The following KIF15 variants were observed in gnomAD, a reference collection of about 807,000 sequenced individuals.
KIF15 encodes the protein kinesin-like protein KIF15.
In KIF15, 140 loss-of-function variants were observed where a neutral mutation model predicts 190.6. That is an observed-to-expected ratio of 0.73 (90% CI 0.64 to 0.84). The LOEUF is 0.84. KIF15 is among the 40% of genes least tolerant of loss of function. KIF15 has a pLI of 0.00. For synonymous variants in KIF15, 528 were observed against 551.3 expected, an observed-to-expected ratio of 0.96 and a Z score of 0.59; for missense variants, 1,372 against 1,584.4, an observed-to-expected ratio of 0.87 and a Z score of 2.28.
At chr3:44,837,671 G>C (rs1425121467) in intron 26 of KIF15, among the ~76,000 whole-genome samples, 1 of 151,886 alleles carries the variant, frequency 6.6e-6, no homozygotes, top group African/African-American at 2.4e-5. Context: ...CATTTGGAAA[G>C]GAAAAGAAGG....
At chr3:44,856,439 T>C (rs1427225650), downstream of KIF15, among the ~76,000 whole-genome samples, 1 of 152,220 alleles carries the variant, frequency 6.6e-6, no homozygotes, top group Non-Finnish European at 1.5e-5. Flanking sequence ...GGTTAGCGGC[T>C]TGTAACCTAC....
chr3:44,786,531 G>T lies in KIF15; in HGVS notation c.596G>T (p.Gly199Val), dbSNP rs1443977252. The part of the protein sequence containing the change: ...EHIKKGVFVV[G>V]AVEQVVTSAA... Reference sequence around the variant, plus strand: ...ATCAAGAAGGGAGTCTTTGTTGTTGGTGCGGTGGAGCAGGTGGTAACCTCA... The same window carrying T: ...ATCAAGAAGGGAGTCTTTGTTGTTGTTGCGGTGGAGCAGGTGGTAACCTCA... The change falls in exon 7 of 35, where the codon GGT becomes GTT. Residue 199 changes from glycine to valine, a missense_variant. By Grantham distance (109) the Gly-to-Val change is moderately radical (BLOSUM62 -3). Coordinates refer to ENST00000326047, the MANE Select transcript of KIF15 (RefSeq NM_020242.3). The T allele has an allele frequency of 6.2e-7, 1 of 1,613,004 alleles. No homozygotes were observed. Among genetic ancestry groups the T allele is most frequent in the Non-Finnish European group, 8.5e-7 (1 of 1,179,302 alleles).
At chr3:44,840,281 A>T in intron 27 of KIF15, 74 bp from the exon 28 acceptor site, 1 of 804,024 alleles carries the variant, frequency 1.2e-6, no homozygotes, top group Non-Finnish European at 2.0e-6. Context: ...GGTGATGGGA[A>T]GTTTGTCTTT....
At chr3:44,828,452 G>T (rs1683521515) in intron 24 of KIF15, 152 bp downstream of exon 24, 1 of 568,650 alleles carries the variant, frequency 1.8e-6, no homozygotes, top group Non-Finnish European at 3.1e-6. Context: ...ATCCTCCAAG[G>T]TTCCTAGAGA....
At chr3:44,818,682 A>G (rs1708133477) in intron 20 of KIF15, among the ~76,000 whole-genome samples, 2 of 152,350 alleles carry the variant, frequency 1.3e-5, no homozygotes, top group East Asian at 3.9e-4. Context: ...GATGTTCATC[A>G]GAAATATTGA....
chr3:44,844,248 G>A (rs2125720325), intron 30 of KIF15, among the ~76,000 whole-genome samples: 1 of 152,338 alleles, frequency 6.6e-6, no homozygotes, highest in Admixed American at 6.5e-5. Context: ...GAGATTTGAG[G>A]ATGGTAATGG....
At chr3:44,817,350 CTTCTAGGGTTTTT>C (rs1280956230) in intron 20 of KIF15, among the ~76,000 whole-genome samples, 2 of 152,270 alleles carry the variant, frequency 1.3e-5, no homozygotes, top group African/African-American at 4.8e-5. Flanking sequence ...CCTAGGTTTT[CTTCTAGGGTTTTT>C]ATGGTTTTAG....
Position 44,829,982 on chromosome 3 carries a change from T to A in KIF15, c.2955T>A (p.Ala985=). 1.3e-6 allele frequency: 2 copies of A among 1,582,078 alleles called. No individual in the cohort carries two copies. The highest frequency in any genetic ancestry group is 2.3e-5 in the South Asian group (2 of 86,506). The change falls in exon 25 of 35, where the codon GCT becomes GCA. Residue 985 remains alanine (A), a synonymous_variant. Coordinates refer to ENST00000326047, the MANE Select transcript of KIF15 (RefSeq NM_020242.3). ...TCTGTCCTCATCAGAAAGTTGTAGC[T>A]GACCTCATGAACCAGATCCAGGAGC... ...KSRDSDKKVV[A]DLMNQIQELR...
intron 24 of KIF15, among the ~76,000 whole-genome samples, chr3:44,829,510 CAT>C (rs1156762819): frequency 5.4e-5 from 2 of 37,138 alleles, no homozygotes; most frequent in African/African-American, 1.2e-4. Flanking sequence ...ATAATATACG[CAT>C]ATATATTATA....
At chr3:44,826,554 A>AAG (rs900825164) in intron 22 of KIF15, 94 bp downstream of exon 22, 9 of 831,380 alleles carry the variant, frequency 1.1e-5, no homozygotes, top group Non-Finnish European at 1.7e-5. Flanking sequence ...ATACCCTGTA[A>AAG]AGAGTTATTT....
chr3:44,803,732 T>C (rs1438666028), intron 14 of KIF15, among the ~76,000 whole-genome samples: 1 of 152,242 alleles, frequency 6.6e-6, no homozygotes, highest in African/African-American at 2.4e-5. Flanking sequence ...GTCTCTTTGC[T>C]TTTTAAAATT....
At position 44,852,805 on chromosome 3, in the gene KIF15, C is replaced by A; in HGVS notation, c.*70C>A. 1 of 1,244,644 alleles carries A rather than the reference C, an allele frequency of 8.0e-7. No homozygotes were observed. The highest frequency in any genetic ancestry group is 1.1e-6 in the Non-Finnish European group (1 of 877,996). The allele number at this position is 1,244,644 out of a possible 1,614,324, so 77.1% of individuals were successfully genotyped here. On this transcript the variant is annotated 3_prime_UTR_variant, in exon 35 of 35. Coordinates refer to ENST00000326047, the MANE Select transcript of KIF15 (RefSeq NM_020242.3). ...TCTTCTCTTTTACAAGTAAGACCTACTCCTGGCCACTTAGGAGAGCTGAAT... is the reference window on the plus strand; with the variant it reads ...TCTTCTCTTTTACAAGTAAGACCTAATCCTGGCCACTTAGGAGAGCTGAAT...
Position 44,775,376 on chromosome 3 carries a change from A to C in KIF15, c.185A>C (p.His62Pro), listed in dbSNP as rs758987464. 1 of 1,613,684 alleles carries C rather than the reference A, an allele frequency of 6.2e-7. No homozygotes were observed. Reference sequence around the variant, plus strand: ...CTGTCCTCCACGAGTCTCCGGCTGCACTCCAACCCTGAGCCCAAGACCTTC... The same window carrying C: ...CTGTCCTCCACGAGTCTCCGGCTGCCCTCCAACCCTGAGCCCAAGACCTTC... ...SVLSSTSLRL[H>P]SNPEPKTFTF... Residue 62 changes from histidine (H) to proline (P), a missense_variant, in exon 3 of 35, where the codon CAC becomes CCC. Coordinates refer to ENST00000326047, the MANE Select transcript of KIF15 (RefSeq NM_020242.3).
intron 22 of KIF15, among the ~76,000 whole-genome samples, chr3:44,826,767 G>C (rs1442479520): frequency 1.3e-5 from 2 of 152,126 alleles, no homozygotes; most frequent in Admixed American, 1.3e-4. Context: ...TTTATTATTG[G>C]AAGGAGGAGA....
At chr3:44,847,667 C>G (rs1343666306) in intron 30 of KIF15, among the ~76,000 whole-genome samples, 1 of 152,164 alleles carries the variant, frequency 6.6e-6, no homozygotes, top group Non-Finnish European at 1.5e-5. Context: ...TGTTCACATT[C>G]GATCTTCAGA....
At chr3:44,831,790 T>G (rs1416508147) in intron 26 of KIF15, among the ~76,000 whole-genome samples, 1 of 152,208 alleles carries the variant, frequency 6.6e-6, no homozygotes, top group African/African-American at 2.4e-5. Context: ...CAGTTTCTTG[T>G]GTAACTTTCA....
intron 8 of KIF15, among the ~76,000 whole-genome samples, chr3:44,794,672 C>A (rs1003457065): frequency 1.3e-5 from 2 of 152,006 alleles, no homozygotes; most frequent in African/African-American, 4.8e-5. Context: ...TTAAAATGTA[C>A]CCCTGTTAGC....
Position 44,852,700 on chromosome 3 carries a change from G to C in KIF15, c.4132G>C (p.Val1378Leu). 6.3e-7 allele frequency: 1 copy of C among 1,598,888 alleles called. No individual in the cohort carries two copies. The highest frequency in any genetic ancestry group is 8.5e-7 in the Non-Finnish European group (1 of 1,175,444). The part of the protein sequence containing the change: ...EETEKLRAEN[V>L]FLKEKKRSES ...GACAGAAAAGTTGCGTGCCGAAAAT[G>C]TATTTTTAAAAGAAAAGAAAAGAAG... The change falls in exon 35 of 35, where the codon GTA becomes CTA. Residue 1378 changes from valine (V) to leucine (L), a missense_variant. Coordinates refer to ENST00000326047, the MANE Select transcript of KIF15 (RefSeq NM_020242.3).
intron 27 of KIF15, among the ~76,000 whole-genome samples, chr3:44,839,630 G>T (rs1329999925): frequency 1.3e-5 from 2 of 151,992 alleles, no homozygotes; most frequent in East Asian, 3.9e-4. Flanking sequence ...TATTCCTCCT[G>T]TCCAACTGAA....
Sources: allele counts gnomAD v4.1 joint callset (sites outside exome capture counted in the v4.1 genomes callset), GRCh38; gene constraint gnomAD v4.1.1; transcripts MANE v1.5; gene names NCBI Gene and HGNC (gene_info 2026-07-23, HGNC 2026-07-21).